Variants in CSMD2 observed in about 807,000 individuals in gnomAD.
CSMD2 encodes CUB and Sushi multiple domains 2.
CSMD2 carries 130 observed loss-of-function variants against 398.5 expected under a neutral mutation model. The observed-to-expected ratio is 0.33, with a 90% CI of 0.28 to 0.38. The LOEUF (loss-of-function observed/expected upper bound fraction) is 0.38, where lower values mean the gene tolerates loss of function less well. Among genes scored for constraint, CSMD2 ranks in the 10% least tolerant of loss-of-function variants. The pLI, the probability that CSMD2 is intolerant of heterozygous loss-of-function variation, is 1.00. For missense variants in CSMD2, 3,829 were observed against 4,764.9 expected, an observed-to-expected ratio of 0.80 and a Z score of 5.78; for synonymous variants, 1,828 against 1,908.5, an observed-to-expected ratio of 0.96 and a Z score of 1.10.
chr1:34,155,046 G>A (rs1293138177), intron 1 of CSMD2, among the ~76,000 whole-genome samples: 1 of 152,174 alleles, frequency 6.6e-6, no homozygotes, highest in Non-Finnish European at 1.5e-5. Context: ...CATATTTGAA[G>A]ACATATATCA....
At chr1:33,802,466 C>T (rs1655715160) in intron 10 of CSMD2, among the ~76,000 whole-genome samples, 1 of 152,230 alleles carries the variant, frequency 6.6e-6, no homozygotes, top group Admixed American at 6.5e-5. Flanking sequence ...TCCCACACCA[C>T]AGCATCCCTG....
intron 2 of CSMD2, among the ~76,000 whole-genome samples, chr1:34,062,548 G>A (rs1444066045): frequency 1.3e-5 from 2 of 152,198 alleles, no homozygotes; most frequent in Non-Finnish European, 2.9e-5. Context: ...GTGGTGAAGA[G>A]GGCAGAGGGA....
chr1:33,648,281 G>A (rs1643567036), intron 28 of CSMD2, among the ~76,000 whole-genome samples: 1 of 151,226 alleles, frequency 6.6e-6, no homozygotes, highest in South Asian at 2.1e-4. Flanking sequence ...AGAATGGCAT[G>A]AACCCGGGAG....
At chr1:33,735,937 G>T (rs556142302) in intron 15 of CSMD2, among the ~76,000 whole-genome samples, 1 of 152,156 alleles carries the variant, frequency 6.6e-6, no homozygotes, top group Non-Finnish European at 1.5e-5. Flanking sequence ...GTTCCCAGGG[G>T]CTTCTTTAGC....
intron 5 of CSMD2, among the ~76,000 whole-genome samples, chr1:33,860,013 T>C (rs766476390): frequency 3.9e-5 from 6 of 152,332 alleles, no homozygotes; most frequent in Admixed American, 6.5e-5. Context: ...AAATGTCCTG[T>C]ATACCCTTCA....
chr1:33,590,981 C>CTT (rs11374822), intron 44 of CSMD2, among the ~76,000 whole-genome samples: 1,840 of 67,090 alleles, frequency 0.027, 23 homozygotes, highest in East Asian at 0.042. Flanking sequence ...TTTTATTTAT[C>CTT]TTTTTTTTTT....
rs79548511 is a variant in CSMD2 at position 33,823,745 on chromosome 1, C to T, written c.1111+1952G>A. Among the ~76,000 whole-genome samples the T allele has an allele frequency of 2.9e-3, 435 of 152,338 alleles. 3 individuals are homozygous for T. Among genetic ancestry groups the T allele is most frequent in the African/African-American group, 9.7e-3 (403 of 41,584 alleles). On this transcript the variant is annotated intron_variant, in intron 7 of 70. Coordinates refer to ENST00000373381, the MANE Select transcript of CSMD2 (RefSeq NM_001281956.2). ...TACCTGGGTCTGAGGCAGCTGGAGTCACACACCCATTCTTTCTGAGGAACT... is the reference window on the plus strand; with the variant it reads ...TACCTGGGTCTGAGGCAGCTGGAGTTACACACCCATTCTTTCTGAGGAACT...
At chr1:33,574,887 C>A (rs775416500) in intron 49 of CSMD2, among the ~76,000 whole-genome samples, 6 of 152,212 alleles carry the variant, frequency 3.9e-5, no homozygotes, top group Non-Finnish European at 8.8e-5. Flanking sequence ...TTCCTTAAAT[C>A]CTTTGGGAAG....
At chr1:33,532,387 C>T (rs1655322163) in intron 64 of CSMD2, among the ~76,000 whole-genome samples, 1 of 152,202 alleles carries the variant, frequency 6.6e-6, no homozygotes, top group African/African-American at 2.4e-5. Flanking sequence ...CAGCACTGAA[C>T]TAATCGTTTA....
chr1:34,147,051 A>G (rs1368273037), intron 1 of CSMD2, among the ~76,000 whole-genome samples: 1 of 152,072 alleles, frequency 6.6e-6, no homozygotes, highest in Non-Finnish European at 1.5e-5. Context: ...AGATCAAGAG[A>G]TCAAGACCAT....
intron 3 of CSMD2, among the ~76,000 whole-genome samples, chr1:33,964,125 A>C (rs1428230901): frequency 6.6e-6 from 1 of 152,182 alleles, no homozygotes; most frequent in Non-Finnish European, 1.5e-5. Flanking sequence ...CAACTGCTCT[A>C]AACAGTAAGA....
intron 2 of CSMD2, among the ~76,000 whole-genome samples, chr1:34,034,292 G>A (rs1022578208): frequency 3.3e-5 from 5 of 151,962 alleles, no homozygotes; most frequent in African/African-American, 9.7e-5. Context: ...ATGATCAATC[G>A]CGACATACTA....
At chr1:33,849,087 A>G (rs1638513578) in intron 5 of CSMD2, among the ~76,000 whole-genome samples, 1 of 152,184 alleles carries the variant, frequency 6.6e-6, no homozygotes, top group African/African-American at 2.4e-5. Flanking sequence ...TTTCTCCCAC[A>G]CATTTACCCA....
chr1:33,899,685 C>A (rs1291601835), intron 5 of CSMD2, among the ~76,000 whole-genome samples: 1 of 152,156 alleles, frequency 6.6e-6, no homozygotes, highest in African/African-American at 2.4e-5. Context: ...CTCTGTACAC[C>A]AATCTGCATG....
At position 33,595,457 on chromosome 1, in the gene CSMD2, C is replaced by T. The variant is rs139511275; in HGVS notation, c.6856+5408G>A. Among the ~76,000 whole-genome samples the T allele has an allele frequency of 4.9e-3, 739 of 152,106 alleles. 3 individuals carry two copies. The highest frequency in any genetic ancestry group is 0.027 in the South Asian group (130 of 4,808). The stretch of plus-strand genomic sequence containing the variant: ...TTCCAGTCTTCTCCACTTCTTTTTC[C>T]CTTTGTTATTATTGTGTGTGGAGTG... On this transcript the variant is annotated intron_variant, in intron 44 of 70. Transcript: ENST00000373381.
intron 9 of CSMD2, chr1:33,813,052 G>A (rs1570076868): frequency 6.6e-6 from 1 of 152,140 alleles, no homozygotes; most frequent in African/African-American, 2.4e-5. Flanking sequence ...TCCTTACAAA[G>A]CTCCACCAGC....
intron 12 of CSMD2, among the ~76,000 whole-genome samples, chr1:33,783,470 T>TCTCTCC (rs1653086846): frequency 8.2e-6 from 1 of 122,512 alleles, no homozygotes. Context: ...TCTCTCTCTC[T>TCTCTCC]CTCTCCTGTG....
chr1:34,122,743 C>G (rs955427611), intron 1 of CSMD2, among the ~76,000 whole-genome samples: 1 of 152,104 alleles, frequency 6.6e-6, no homozygotes, highest in African/African-American at 2.4e-5. Context: ...ATTCCTACAC[C>G]CATGCAAATC....
intron 1 of CSMD2, among the ~76,000 whole-genome samples, chr1:34,145,772 G>A (rs1261544659): frequency 1.3e-5 from 2 of 152,138 alleles, no homozygotes; most frequent in African/African-American, 4.8e-5. Context: ...AGAGGAGAGG[G>A]GGACCTCCTT....
Sources: allele counts gnomAD v4.1 joint callset (sites outside exome capture counted in the v4.1 genomes callset), GRCh38; gene constraint gnomAD v4.1.1; transcripts MANE v1.5; gene names NCBI Gene and HGNC (gene_info 2026-07-23, HGNC 2026-07-21).